The following ALOX15 variants were observed in gnomAD, a reference collection of about 807,000 sequenced individuals.
The protein encoded by ALOX15 is arachidonate 15-lipoxygenase.
ALOX15 carries 68 observed loss-of-function variants against 71.7 expected under a neutral mutation model. The observed-to-expected ratio is 0.95, with a 90% CI of 0.78 to 1.16. The LOEUF (loss-of-function observed/expected upper bound fraction) is 1.16, where lower values mean the gene tolerates loss of function less well. ALOX15 is among the 50% of genes most tolerant of loss of function. The probability of loss-of-function intolerance (pLI) is 0.00; values close to 1 mark genes in which losing one functional copy is unlikely to be tolerated. For synonymous variants in ALOX15, 346 were observed against 333.3 expected (o/e 1.04, Z -0.42); for missense variants, 798 against 818.8 (o/e 0.97, Z 0.31).
rs546555515 is a variant in ALOX15, at chr17:4,630,922, T to C, written c.*678A>G. ...AAAAATTTTTTGATGCTCTATATTCTTTTGCCAATATTTTATTTAAAATAG... is the reference window on the plus strand; with the variant it reads ...AAAAATTTTTTGATGCTCTATATTCCTTTGCCAATATTTTATTTAAAATAG... On this transcript the variant is annotated 3_prime_UTR_variant, in exon 14 of 14. Coordinates refer to ENST00000293761, the MANE Select transcript of ALOX15 (RefSeq NM_001140.5). The C allele has an allele frequency of 6.6e-6, 1 of 152,348 alleles. No individual in the cohort carries two copies. The highest frequency in any genetic ancestry group is 2.4e-5 in the African/African-American group (1 of 41,586). 9.4% of individuals were successfully genotyped at this position (152,348 alleles called of 1,614,324 possible).
chr17:4,638,605 A>G lies in ALOX15; in HGVS notation c.622T>C (p.Trp208Arg), dbSNP rs1911198515. Reference protein sequence around the residue: ...KDLDDFNRIFWCGQSKLAERV... With the variant: ...KDLDDFNRIFRCGQSKLAERV... ...CCAGCCAGCTTGCTCTGACCACACC[A>G]GAAAATCCGGTTGAAGTCATCTAGA... Residue 208 changes from tryptophan to arginine, a missense_variant, in exon 5 of 14, where the codon TGG becomes CGG. This residue lies in a region of ALOX15 where 300 missense variants were observed against 283.1 expected (regional missense o/e 1.06). Coordinates refer to ENST00000293761, the MANE Select transcript of ALOX15 (RefSeq NM_001140.5). 6.2e-7 allele frequency: 1 copy of G among 1,614,162 alleles called. No homozygotes were observed.
At chr17:4,641,407 C>T (rs1245419733) in intron 1 of ALOX15, 110 bp downstream of exon 1, 11 of 1,488,162 alleles carry the variant, frequency 7.4e-6, no homozygotes, top group Non-Finnish European at 9.9e-6. Flanking sequence ...TGCGCGGGCC[C>T]TTGGCAAAGA....
At position 4,632,944 on chromosome 17, in the gene ALOX15, T is replaced by A. The variant is rs1910964295; in HGVS notation, c.1457A>T (p.Asp486Val). 6.2e-7 allele frequency: 1 copy of A among 1,613,978 alleles called. No homozygotes were observed. Residue 486 changes from aspartate (D) to valine (V), a missense_variant, in exon 11 of 14, where the codon GAC becomes GTC. This residue lies in a region of ALOX15 where 490 missense variants were observed against 509.4 expected (regional missense o/e 0.96). Coordinates refer to ENST00000293761, the MANE Select transcript of ALOX15 (RefSeq NM_001140.5). The stretch of plus-strand genomic sequence containing the variant: ...CTCTGGGTCGTCTTTCACAGCCACG[T>A]CTGTCTTATAGTGGAGACTCACGAT... The part of the protein sequence containing the change: ...EGIVSLHYKT[D>V]VAVKDDPELQ...
In ALOX15 at chr17:4,635,963, C is replaced by G. The variant is rs1475075693; in HGVS notation, c.957G>C (p.Gln319His). 1 of 1,613,320 alleles carries G rather than the reference C, an allele frequency of 6.2e-7. No homozygotes were observed. The highest frequency in any genetic ancestry group is 8.5e-7 in the Non-Finnish European group (1 of 1,179,982). ...GTGGTGGGGATCCTGTGCGGGGCAG[C>G]TGGAGCTGGAGCAGGGACAAGTGTG... ...GKLLPMVIQL[Q>H]LPRTGSPPPP... The change falls in exon 8 of 14, where the codon CAG becomes CAC. Residue 319 changes from glutamine to histidine, a missense_variant. Physicochemically the swap from Gln to His is conservative, Grantham distance 24. Transcript: ENST00000293761.
At position 4,639,651 on chromosome 17, in the gene ALOX15, C is replaced by G. The variant is rs763610667; in HGVS notation, c.136-20G>C. The G allele has an allele frequency of 3.8e-6, 6 of 1,596,462 alleles. No individual in the cohort carries two copies. The Admixed American group carries it at 1.0e-4, about 28-fold the overall frequency. ...TGTCTCCTGCGGGCGACAGAAGAGG[C>G]TCAGCCCCGGTGGGGCCTGGCGGGA... On this transcript the variant is annotated intron_variant, in intron 1 of 13. Coordinates refer to ENST00000293761, the MANE Select transcript of ALOX15 (RefSeq NM_001140.5).
chr17:4,637,271 A>G lies in ALOX15; in HGVS notation c.808-13T>C, dbSNP rs1414186712. ...ACAGTGTGCCTCCCTGGGTGGGGGA[A>G]GAGGTCAAGGGCTGCTATCAACATA... On this transcript the variant is annotated splice_polypyrimidine_tract_variant and intron_variant, in intron 6 of 13. Transcript: ENST00000293761. 6.2e-7 allele frequency: 1 copy of G among 1,606,170 alleles called. No homozygotes were observed. Among genetic ancestry groups the G allele is most frequent in the Non-Finnish European group, 8.5e-7 (1 of 1,174,794 alleles).
intron 4 of ALOX15, 36 bp from the exon 5 acceptor site, chr17:4,638,720 A>G: frequency 6.2e-7 from 1 of 1,613,446 alleles, no homozygotes; most frequent in Non-Finnish European, 8.5e-7. Context: ...TTTGAGCATC[A>G]TTCTGAGGCT....
Position 4,631,177 on chromosome 17 carries a change from C to A in ALOX15, c.*423G>T. On this transcript the variant is annotated 3_prime_UTR_variant, in exon 14 of 14. Transcript: ENST00000293761. ...CCAGGACGCTGAGGCTGCAGTGAGC[C>A]GTGGTGATGGCACCACTGCACTCCA... The A allele has an allele frequency of 6.2e-6, 1 of 160,700 alleles. No individual in the cohort carries two copies. Among genetic ancestry groups the A allele is most frequent in the Non-Finnish European group, 1.4e-5 (1 of 73,334 alleles). 10.0% of individuals were successfully genotyped at this position (160,700 alleles called of 1,614,324 possible).
intron 12 of ALOX15, 22 bp from the exon 13 acceptor site, chr17:4,632,078 G>A: frequency 4.3e-6 from 7 of 1,609,818 alleles, no homozygotes; most frequent in Non-Finnish European, 5.9e-6. Flanking sequence ...CAGGGATCCA[G>A]AGTCAGTGCC....
Position 4,639,087 on chromosome 17 carries a change from C to T in ALOX15, c.383G>A (p.Arg128Gln), listed in dbSNP as rs41490747. The change falls in exon 3 of 14, where the codon CGG becomes CAG. Residue 128 changes from arginine to glutamine, a missense_variant. By Grantham distance (43) the Arg-to-Gln change is conservative (BLOSUM62 1). This residue lies in a region of ALOX15 where 300 missense variants were observed against 283.1 expected (regional missense o/e 1.06). Coordinates refer to ENST00000293761, the MANE Select transcript of ALOX15 (RefSeq NM_001140.5). ...CCTTCTCTCTTCCAGCTCTTCTTCC[C>T]GGTGTTTCTGGAACAGGCCCTGAGG... ...EDPQGLFQKH[R>Q]EEELEERRKL... is the part of the protein sequence containing the mutation. 3.7e-5 allele frequency: 59 copies of T among 1,614,064 alleles called. No individual in the cohort carries two copies. Among genetic ancestry groups the T allele is most frequent in the Middle Eastern group, 1.6e-4 (1 of 6,084 alleles).
At chr17:4,632,574 T>TAC (rs1232305691) in intron 11 of ALOX15, among the ~76,000 whole-genome samples, 1 of 152,134 alleles carries the variant, frequency 6.6e-6, no homozygotes, top group Admixed American at 6.5e-5. Context: ...TAAAAATATT[T>TAC]ATACCATGGA....
rs532485300 is a variant in ALOX15 at position 4,632,561 on chromosome 17, C to T, written c.1541-280G>A. ...CTGGTCAGCATCACCTTGGTAGTCA[C>T]AGTAAAAATATTTATACCATGGAAA... On this transcript the variant is annotated intron_variant, in intron 11 of 13. Transcript: ENST00000293761. Among the ~76,000 whole-genome samples the T allele has an allele frequency of 6.6e-5, 10 of 152,234 alleles. No individual in the cohort carries two copies. In the South Asian group the frequency reaches 8.3e-4, roughly 13 times the overall value.
At chr17:4,638,036 T>G (rs1911172425) in intron 6 of ALOX15, among the ~76,000 whole-genome samples, 181 bp downstream of exon 6, 1 of 152,310 alleles carries the variant, frequency 6.6e-6, no homozygotes, top group South Asian at 2.1e-4. Context: ...CCGCAGCTAC[T>G]CTCGTGTAGG....
Position 4,638,573 on chromosome 17 carries a change from G to C in ALOX15, c.646+8C>G, listed in dbSNP as rs1414508123. On this transcript the variant is annotated splice_region_variant and intron_variant, in intron 5 of 13. Transcript: ENST00000293761. ...GGGTTGGGAGACATACTGGGGTGGG[G>C]GACTGACCAGCCAGCTTGCTCTGAC... 6.2e-7 allele frequency: 1 copy of C among 1,613,364 alleles called. No homozygotes were observed. Among genetic ancestry groups the C allele is most frequent in the East Asian group, 2.2e-5 (1 of 44,876 alleles).
At chr17:4,635,611 G>T in intron 8 of ALOX15, 148 bp downstream of exon 8, 1 of 770,966 alleles carries the variant, frequency 1.3e-6, no homozygotes, top group Non-Finnish European at 2.1e-6. Context: ...TGCATGGCCA[G>T]CCCTGCTCAT....
rs374002112 is a variant in ALOX15 at position 4,641,562 on chromosome 17, G to A, written c.90C>T (p.His30=). The A allele has an allele frequency of 1.9e-5, 30 of 1,613,218 alleles. No homozygotes were observed. The highest frequency in any genetic ancestry group is 3.3e-5 in the South Asian group (3 of 91,088). ...NQVQLWLVGQ[H]GEAALGKRLW... ...GTCGCTTCCCGAGCGCCGCCTCCCC[G>A]TGCTGGCCGACCAGCCACAGCTGCA... Residue 30 remains histidine, a synonymous_variant, in exon 1 of 14, where the codon CAC becomes CAT. Coordinates refer to ENST00000293761, the MANE Select transcript of ALOX15 (RefSeq NM_001140.5).
At chr17:4,634,555 A>T (rs946836099) in intron 8 of ALOX15, among the ~76,000 whole-genome samples, 4 of 150,802 alleles carry the variant, frequency 2.7e-5, no homozygotes, top group African/African-American at 9.8e-5. Flanking sequence ...CCCTTTTGAG[A>T]TGTTTTTTCC....
Position 4,638,643 on chromosome 17 carries a change from G to GTCAGA in ALOX15, c.579_583dup (p.Thr195IlefsTer2), listed in dbSNP as rs1911201202. 2 of 1,614,088 alleles carry GTCAGA rather than the reference G, an allele frequency of 1.2e-6. No homozygotes were observed. Among genetic ancestry groups the GTCAGA allele is most frequent in the Non-Finnish European group, 1.7e-6 (2 of 1,180,048 alleles). ...GAAGTCATCTAGATCCTTCCAGCAA[G>GTCAGA]TCAGAACATTTAGAGAGTCTTTGAT... On this transcript the variant is annotated stop_gained and frameshift_variant, in exon 5 of 14. Transcript: ENST00000293761. LOFTEE classifies it high-confidence loss of function.
chr17:4,631,671 G>T lies in ALOX15; in HGVS notation c.1918C>A (p.Arg640=). The T allele has an allele frequency of 6.2e-7, 1 of 1,614,138 alleles. No individual in the cohort carries two copies. Among genetic ancestry groups the T allele is most frequent in the Non-Finnish European group, 8.5e-7 (1 of 1,180,028 alleles). ...LAALDKEIEI[R]NAKLDMPYEY... Reference sequence around the variant, plus strand: ...TAGGGCATGTCCAGCTTTGCATTCCGGATCTCAATTTCCTTATCCAGGGCA... The same window carrying T: ...TAGGGCATGTCCAGCTTTGCATTCCTGATCTCAATTTCCTTATCCAGGGCA... Residue 640 remains arginine (R), a synonymous_variant, in exon 14 of 14, where the codon CGG becomes AGG. Coordinates refer to ENST00000293761, the MANE Select transcript of ALOX15 (RefSeq NM_001140.5).
Sources: gnomAD v4.1 joint callset for allele counts (sites outside exome capture counted in the v4.1 genomes callset) on GRCh38, gnomAD v4.1.1 for gene constraint, gnomAD v4.1.1 regional missense constraint, MANE v1.5 for transcripts, NCBI Gene and HGNC (gene_info 2026-07-23, HGNC 2026-07-21) for gene names.